The following CPEB1 variants were observed in gnomAD, a reference collection of about 807,000 sequenced individuals.
CPEB1 encodes cytoplasmic polyadenylation element-binding protein 1.
Under a neutral mutation model 65.8 loss-of-function variants are expected in CPEB1, and 7 were observed. That is an observed-to-expected ratio of 0.11 (90% CI 0.06 to 0.20). The LOEUF (loss-of-function observed/expected upper bound fraction) is 0.20. CPEB1 is among the 10% of genes least tolerant of loss of function. CPEB1 has a pLI of 1.00. For synonymous variants in CPEB1, 262 were observed against 260.0 expected (o/e 1.01, Z -0.08); for missense variants, 551 against 712.2 (o/e 0.77, Z 2.58).
In CPEB1 at chr15:82,628,541, T is replaced by G. The variant is rs1178918637; in HGVS notation, c.-82A>C. 3 of 672,872 alleles carry G rather than the reference T, an allele frequency of 4.5e-6. No homozygotes were observed. The East Asian group carries it at 8.1e-5, about 18-fold the overall frequency. The allele number at this position is 672,872 out of a possible 1,614,324, so 41.7% of individuals were successfully genotyped here. ...TCTTTTACAATACAGACCCTTCTAT[T>G]ACACAGGCACTGAAACTAACGCAAA... On this transcript the variant is annotated 5_prime_UTR_variant, in exon 2 of 13. Coordinates refer to ENST00000684509, the MANE Select transcript of CPEB1 (RefSeq NM_001365242.1).
intron 3 of CPEB1, among the ~76,000 whole-genome samples, chr15:82,619,564 A>C (rs1278446393): frequency 6.6e-6 from 1 of 152,238 alleles, no homozygotes; most frequent in Non-Finnish European, 1.5e-5. Context: ...TATGTGGCCT[A>C]TATAAAGAAC....
chr15:82,557,522 TGA>T, intron 5 of CPEB1: 1 of 453,856 alleles, frequency 2.2e-6, no homozygotes. Flanking sequence ...GCTAGTAAAA[TGA>T]GAGTCCTGAG....
chr15:82,635,102 G>A (rs1425218281), intron 1 of CPEB1, among the ~76,000 whole-genome samples: 6 of 152,108 alleles, frequency 3.9e-5, no homozygotes, highest in Non-Finnish European at 5.9e-5. Flanking sequence ...TGATCCGCCC[G>A]CCTCAGCCTC....
intron 1 of CPEB1, among the ~76,000 whole-genome samples, chr15:82,636,994 AG>A (rs1473670294): frequency 7.9e-5 from 12 of 152,146 alleles, no homozygotes; most frequent in Admixed American, 7.9e-4. Flanking sequence ...AAAAAAACAA[AG>A]GCTCCAGAGT....
chr15:82,569,367 A>G (rs2039662745), intron 4 of CPEB1, among the ~76,000 whole-genome samples: 1 of 152,158 alleles, frequency 6.6e-6, no homozygotes, highest in East Asian at 1.9e-4. Context: ...AGGAAAACAT[A>G]CCCACACTAA....
intron 4 of CPEB1, 27 bp from the exon 5 acceptor site, chr15:82,558,013 T>G: frequency 2.0e-6 from 3 of 1,490,698 alleles, no homozygotes; most frequent in Non-Finnish European, 2.7e-6. Context: ...GGAAACCTCA[T>G]GACCTCTTAG....
At chr15:82,604,150 C>A (rs556472577) in intron 3 of CPEB1, among the ~76,000 whole-genome samples, 3 of 152,168 alleles carry the variant, frequency 2.0e-5, no homozygotes, top group East Asian at 1.9e-4. Flanking sequence ...GGAGTTCAAG[C>A]CAAGCCTGGG....
At chr15:82,647,904 G>C (rs1195440589), upstream of CPEB1, 2 of 1,230,314 alleles carry the variant, frequency 1.6e-6, no homozygotes, top group Non-Finnish European at 2.0e-6. Flanking sequence ...CTGACGGGCT[G>C]ACCGGCCAGC....
chr15:82,602,939 A>G (rs188920416), intron 3 of CPEB1, among the ~76,000 whole-genome samples: 1 of 152,244 alleles, frequency 6.6e-6, no homozygotes, highest in Non-Finnish European at 1.5e-5. Flanking sequence ...TTCTTCCTAC[A>G]TAAAAACCAA....
chr15:82,605,394 G>C (rs979274808), intron 3 of CPEB1, among the ~76,000 whole-genome samples: 7 of 152,010 alleles, frequency 4.6e-5, no homozygotes, highest in Non-Finnish European at 1.0e-4. Flanking sequence ...CCAAATGGGG[G>C]CGGGATAAGA....
At chr15:82,561,189 G>C (rs898131353) in intron 4 of CPEB1, among the ~76,000 whole-genome samples, 3 of 152,210 alleles carry the variant, frequency 2.0e-5, no homozygotes, top group African/African-American at 7.2e-5. Flanking sequence ...TAGAATGTGA[G>C]AAGTCTGAAA....
intron 3 of CPEB1, among the ~76,000 whole-genome samples, chr15:82,577,930 G>A (rs901786861): frequency 4.6e-5 from 7 of 152,144 alleles, no homozygotes; most frequent in Non-Finnish European, 5.9e-5. Context: ...CACGAGGTCA[G>A]GAGATCGAGA....
intron 3 of CPEB1, among the ~76,000 whole-genome samples, chr15:82,593,411 C>G (rs955827112): frequency 5.3e-5 from 8 of 152,300 alleles, no homozygotes; most frequent in South Asian, 2.1e-4. Flanking sequence ...AGCAATTCAT[C>G]CCAAGTTTTA....
intron 1 of CPEB1, among the ~76,000 whole-genome samples, chr15:82,632,085 G>C (rs539069497): frequency 3.4e-4 from 51 of 150,082 alleles, no homozygotes; most frequent in African/African-American, 1.2e-3. Context: ...GGGTTCACAG[G>C]ATTCTCTCGC....
At chr15:82,631,808 A>G (rs2046270980) in intron 1 of CPEB1, among the ~76,000 whole-genome samples, 1 of 152,094 alleles carries the variant, frequency 6.6e-6, no homozygotes, top group Admixed American at 6.6e-5. Context: ...AAATAGACCT[A>G]AGGGCTGAAT....
At chr15:82,643,988 T>C (rs1206105046) in intron 1 of CPEB1, among the ~76,000 whole-genome samples, 1 of 152,188 alleles carries the variant, frequency 6.6e-6, no homozygotes, top group Non-Finnish European at 1.5e-5. Context: ...CAGAAAAAGT[T>C]AGTACTGAAA....
At chr15:82,605,701 T>C (rs2043518468) in intron 3 of CPEB1, among the ~76,000 whole-genome samples, 1 of 152,192 alleles carries the variant, frequency 6.6e-6, no homozygotes, top group Non-Finnish European at 1.5e-5. Flanking sequence ...AAAAGATAGC[T>C]AAAGTTAATT....
At chr15:82,623,751 T>C (rs542783895) in intron 3 of CPEB1, among the ~76,000 whole-genome samples, 94 of 152,328 alleles carry the variant, frequency 6.2e-4, no homozygotes, top group African/African-American at 2.2e-3. Flanking sequence ...TTCCAGTGTT[T>C]TTCTATGCAT....
intron 2 of CPEB1, among the ~76,000 whole-genome samples, chr15:82,627,725 G>C (rs1298724507): frequency 6.6e-6 from 1 of 152,164 alleles, no homozygotes; most frequent in Non-Finnish European, 1.5e-5. Flanking sequence ...GGCCTTAAGG[G>C]AAAAGGTAAA....
Sources: gnomAD v4.1 joint callset for allele counts (sites outside exome capture counted in the v4.1 genomes callset) on GRCh38, gnomAD v4.1.1 for gene constraint, MANE v1.5 for transcripts, NCBI Gene and HGNC (gene_info 2026-07-23, HGNC 2026-07-21) for gene names.